Variants in PSMF1 observed in about 807,000 individuals in gnomAD.
PSMF1 encodes proteasome inhibitor PI31 subunit.
A neutral mutation model predicts 29.3 loss-of-function variants in PSMF1; 30 were observed. That is an observed-to-expected ratio of 1.02 (90% CI 0.77 to 1.39). The LOEUF is 1.39. Ranked by LOEUF, PSMF1 falls within the 40% of genes most tolerant of loss-of-function variation. The pLI is 0.00. For synonymous variants in PSMF1, 134 were observed against 139.7 expected (o/e 0.96, Z 0.29); for missense variants, 344 against 357.5 (o/e 0.96, Z 0.31).
intron 4 of PSMF1, among the ~76,000 whole-genome samples, chr20:1,143,729 A>G (rs970689224): frequency 3.9e-5 from 6 of 152,192 alleles, no homozygotes; most frequent in Admixed American, 3.9e-4. Context: ...CATATATTCA[A>G]CAAAGGATTC....
chr20:1,162,941 C>T (rs1011729232), intron 4 of PSMF1, among the ~76,000 whole-genome samples, 189 bp from the exon 5 acceptor site: 2 of 151,790 alleles, frequency 1.3e-5, no homozygotes, highest in African/African-American at 4.8e-5. Flanking sequence ...GTTTGTGTTC[C>T]GCCCTTCTTA....
At chr20:1,125,384 T>A (rs556465221) in intron 1 of PSMF1, 114 bp from the exon 2 acceptor site, 1 of 1,171,688 alleles carries the variant, frequency 8.5e-7, no homozygotes, top group Non-Finnish European at 1.2e-6. Flanking sequence ...TCTCTTGACC[T>A]CCACATCTTC....
rs2086172439 is a variant in PSMF1, at chr20:1,127,406, T to C, written c.283-20T>C. 1.9e-6 allele frequency: 3 copies of C among 1,557,962 alleles called. No individual in the cohort carries two copies. In the East Asian group the frequency reaches 6.7e-5, roughly 35 times the overall value. ...GCCAGAAATATCCCAGTCTCTCACT[T>C]TCTATTTTCACCCATCTAGGAATAT... On this transcript the variant is annotated intron_variant, in intron 2 of 6. Coordinates refer to ENST00000335877, the MANE Select transcript of PSMF1 (RefSeq NM_006814.5).
At chr20:1,135,029 GGCCGCCGCC>G (rs200709242) in intron 3 of PSMF1, 83 bp from the exon 4 acceptor site, 2 of 1,316,428 alleles carry the variant, frequency 1.5e-6, no homozygotes, top group South Asian at 2.4e-5. Context: ...GAGCTATCAG[GGCCGCCGCC>G]GCCGCCGTCG....
intron 3 of PSMF1, among the ~76,000 whole-genome samples, chr20:1,132,588 A>T (rs1233983858): frequency 6.6e-6 from 1 of 152,118 alleles, no homozygotes; most frequent in African/African-American, 2.4e-5. Flanking sequence ...GTGCCTTTTC[A>T]TATAAACTTT....
intron 4 of PSMF1, among the ~76,000 whole-genome samples, chr20:1,153,453 G>A (rs978415401): frequency 5.9e-5 from 9 of 151,908 alleles, no homozygotes; most frequent in Admixed American, 2.6e-4. Context: ...CTCTTCTTGG[G>A]CATTCTTCTT....
intron 1 of PSMF1, among the ~76,000 whole-genome samples, chr20:1,122,720 A>C (rs1245216582): frequency 1.3e-5 from 2 of 152,212 alleles, no homozygotes; most frequent in Admixed American, 6.5e-5. Flanking sequence ...GGGCAGTTGC[A>C]GACCATGTTT....
At chr20:1,144,183 A>G (rs1181876820) in intron 4 of PSMF1, among the ~76,000 whole-genome samples, 1 of 152,254 alleles carries the variant, frequency 6.6e-6, no homozygotes, top group African/African-American at 2.4e-5. Flanking sequence ...GATGCTCAGC[A>G]TTGTTAGCCA....
chr20:1,157,198 C>T (rs931363069), intron 4 of PSMF1, among the ~76,000 whole-genome samples: 3 of 152,116 alleles, frequency 2.0e-5, no homozygotes, highest in Admixed American at 6.5e-5. Context: ...ATTGTGCCCA[C>T]GAGATTAAGG....
chr20:1,165,171 G>C lies in PSMF1; in HGVS notation c.*91G>C. ...TCAGCAACCATGTTCTTGCAGGCTG[G>C]GGGCAAGGGATTCTGCTCATGTGTT... On this transcript the variant is annotated 3_prime_UTR_variant, in exon 7 of 7. Transcript: ENST00000335877. 6.2e-7 allele frequency: 1 copy of C among 1,605,966 alleles called. No homozygotes were observed. Among genetic ancestry groups the C allele is most frequent in the Non-Finnish European group, 8.5e-7 (1 of 1,175,652 alleles).
chr20:1,166,982 G>T lies in PSMF1; in HGVS notation c.*1902G>T, dbSNP rs916928160. 3.9e-5 allele frequency: 6 copies of T among 152,182 alleles called. No homozygotes were observed. Among genetic ancestry groups the T allele is most frequent in the Admixed American group, 1.3e-4 (2 of 15,284 alleles). The allele number at this position is 152,182 out of a possible 1,614,324, so 9.4% of individuals were successfully genotyped here. A position where few individuals can be genotyped will look rare whatever the true frequency, so the allele number is the denominator to read the frequency against. Reference sequence around the variant, plus strand: ...ATTTAAACAATAAATTTGCCACTTAGATTTTCTAGCAGCAAAGTCCGAAAA... The same window carrying T: ...ATTTAAACAATAAATTTGCCACTTATATTTTCTAGCAGCAAAGTCCGAAAA... On this transcript the variant is annotated 3_prime_UTR_variant, in exon 7 of 7. Coordinates refer to ENST00000335877, the MANE Select transcript of PSMF1 (RefSeq NM_006814.5).
intron 2 of PSMF1, 136 bp downstream of exon 2, chr20:1,125,786 A>G: frequency 8.2e-7 from 1 of 1,213,084 alleles, no homozygotes; most frequent in Non-Finnish European, 1.2e-6. Flanking sequence ...CTGGAACTTT[A>G]TCTTAAGGTG....
intron 1 of PSMF1, 140 bp downstream of exon 1, chr20:1,119,042 C>T (rs2086048673): frequency 1.6e-6 from 2 of 1,231,808 alleles, no homozygotes; most frequent in Non-Finnish European, 2.2e-6. Context: ...GTTGGTAAAA[C>T]CTGCGGGTCG....
chr20:1,166,213 CG>C lies in PSMF1; in HGVS notation c.*1135del, dbSNP rs1568485970. On this transcript the variant is annotated 3_prime_UTR_variant, in exon 7 of 7. Transcript: ENST00000335877. ...GGCCCACCTGACCTTTGGTGTTCTCCGGATCCTTTTCAGCCCGAGGCCTGAC... is the reference window on the plus strand; with the variant it reads ...GGCCCACCTGACCTTTGGTGTTCTCCGATCCTTTTCAGCCCGAGGCCTGAC... 5 of 1,611,988 alleles carry C rather than the reference CG, an allele frequency of 3.1e-6. No individual in the cohort carries two copies. The highest frequency in any genetic ancestry group is 4.2e-6 in the Non-Finnish European group (5 of 1,179,648).
chr20:1,145,469 AAGG>A (rs767463921), intron 4 of PSMF1, among the ~76,000 whole-genome samples: 16 of 152,254 alleles, frequency 1.1e-4, no homozygotes, highest in South Asian at 6.2e-4. Context: ...CCTAAAGAAT[AAGG>A]AGGAGATGTT....
At chr20:1,127,557 T>C in intron 3 of PSMF1, 49 bp downstream of exon 3, 4 of 1,433,476 alleles carry the variant, frequency 2.8e-6, no homozygotes, top group Non-Finnish European at 3.9e-6. Flanking sequence ...AGAGAACTAA[T>C]GGCAAGATAT....
At chr20:1,150,919 A>G (rs1222700257) in intron 4 of PSMF1, among the ~76,000 whole-genome samples, 2 of 152,196 alleles carry the variant, frequency 1.3e-5, no homozygotes, top group Non-Finnish European at 2.9e-5. Context: ...GTTTAGATCT[A>G]TAATCCATCT....
intron 3 of PSMF1, among the ~76,000 whole-genome samples, chr20:1,132,873 T>G (rs1036734542): frequency 2.0e-5 from 3 of 152,120 alleles, no homozygotes; most frequent in African/African-American, 7.2e-5. Context: ...GGTTTTCAAA[T>G]GTTCATTGTT....
At chr20:1,125,312 C>T (rs1054407522) in intron 1 of PSMF1, among the ~76,000 whole-genome samples, 186 bp from the exon 2 acceptor site, 1 of 152,154 alleles carries the variant, frequency 6.6e-6, no homozygotes, top group Non-Finnish European at 1.5e-5. Flanking sequence ...CGCAGTAGAA[C>T]AGAAGCCCAG....
Sources: gnomAD v4.1 joint callset for allele counts (sites outside exome capture counted in the v4.1 genomes callset) on GRCh38, gnomAD v4.1.1 for gene constraint, MANE v1.5 for transcripts, NCBI Gene and HGNC (gene_info 2026-07-23, HGNC 2026-07-21) for gene names.